SVOPL: variants seen among roughly 807,000 people sequenced by gnomAD.
SVOPL encodes SVOP like, also known as putative transporter SVOPL.
Under a neutral mutation model 61.0 loss-of-function variants are expected in SVOPL, and 60 were observed. That is an observed-to-expected ratio of 0.98 (90% CI 0.80 to 1.22). The LOEUF is 1.22. Among genes scored for constraint, SVOPL ranks in the 50% most tolerant of loss-of-function variants. The pLI is 0.00. For synonymous variants in SVOPL, 279 were observed against 250.0 expected (o/e 1.12, Z -1.09); for missense variants, 662 against 643.9 (o/e 1.03, Z -0.30).
rs751583124 is a variant in SVOPL at position 138,626,055 on chromosome 7, A to G, written c.1182-5T>C. ...AGGAAGCCAATCAGGCCGGCACTAG[A>G]AAACAGGAAGCGGAGAGAAATTATA... On this transcript the variant is annotated splice_polypyrimidine_tract_variant and splice_region_variant and intron_variant, in intron 12 of 15. Transcript: ENST00000674285. 6.2e-7 allele frequency: 1 copy of G among 1,614,042 alleles called. No individual in the cohort carries two copies. The highest frequency in any genetic ancestry group is 8.5e-7 in the Non-Finnish European group (1 of 1,179,996).
intron 14 of SVOPL, among the ~76,000 whole-genome samples, chr7:138,597,502 C>G (rs1217176482): frequency 6.6e-6 from 1 of 152,148 alleles, no homozygotes; most frequent in African/African-American, 2.4e-5. Flanking sequence ...AATAATTCCA[C>G]TCACCGTGCA....
chr7:138,606,381 A>G (rs1051394258), intron 14 of SVOPL, among the ~76,000 whole-genome samples: 1 of 152,098 alleles, frequency 6.6e-6, no homozygotes, highest in African/African-American at 2.4e-5. Context: ...AGTTGAATAC[A>G]AAAGCTTTTA....
intron 7 of SVOPL, among the ~76,000 whole-genome samples, chr7:138,654,884 T>TA: frequency 1.0e-5 from 1 of 100,360 alleles, no homozygotes; most frequent in Non-Finnish European, 2.1e-5. Context: ...TTTTTTTTTT[T>TA]TAAAAAAAAA....
chr7:138,689,324 G>T, intron 1 of SVOPL: 1 of 1,591,926 alleles, frequency 6.3e-7, no homozygotes, highest in African/African-American at 1.3e-5. Flanking sequence ...TGGTCATTGA[G>T]CATATCCAAG....
chr7:138,649,072 C>T lies in SVOPL; in HGVS notation c.600G>A (p.Gly200=). Residue 200 remains glycine, a synonymous_variant, in exon 8 of 16, where the codon GGG becomes GGA. Coordinates refer to ENST00000674285, the MANE Select transcript of SVOPL (RefSeq NM_001139456.2). ...AGGCGACGCGAATGAGCCAGCGCCA[C>T]CCGATGGTGGGGATGATCACAGAGG... ...GLASVIIPTI[G]WRWLIRVASI... The T allele has an allele frequency of 6.2e-7, 1 of 1,613,820 alleles. No individual in the cohort carries two copies. Among genetic ancestry groups the T allele is most frequent in the Non-Finnish European group, 8.5e-7 (1 of 1,179,970 alleles).
intron 12 of SVOPL, among the ~76,000 whole-genome samples, chr7:138,626,453 C>A (rs1177042661): frequency 6.6e-6 from 1 of 152,116 alleles, no homozygotes; most frequent in Non-Finnish European, 1.5e-5. Context: ...GGTGCAGTGG[C>A]ACAATCATGG....
Position 138,660,786 on chromosome 7 carries a change from G to T in SVOPL, c.346-798C>A, listed in dbSNP as rs905084336. The T allele has an allele frequency of 3.1e-6, 3 of 981,184 alleles. No individual in the cohort carries two copies. In the African/African-American group the frequency reaches 5.3e-5, roughly 17 times the overall value. 60.8% of individuals were successfully genotyped at this position (981,184 alleles called of 1,614,324 possible). On this transcript the variant is annotated intron_variant, in intron 5 of 15. Transcript: ENST00000674285. Reference sequence around the variant, plus strand: ...TGGTCAGAAAAATTATACCAATAGGGTTTAATAATATTATATAATAATAAT... The same window carrying T: ...TGGTCAGAAAAATTATACCAATAGGTTTTAATAATATTATATAATAATAAT...
chr7:138,641,194 A>G (rs187782685), intron 9 of SVOPL, among the ~76,000 whole-genome samples: 5 of 150,042 alleles, frequency 3.3e-5, no homozygotes, highest in Non-Finnish European at 5.9e-5. Flanking sequence ...GTGAGACCCC[A>G]TCACAAAAAA....
chr7:138,685,880 T>A (rs7776711), intron 1 of SVOPL, among the ~76,000 whole-genome samples: 42,996 of 148,542 alleles, frequency 0.29, 6,745 homozygotes, highest in East Asian at 0.42. Flanking sequence ...AAAAAAAAAA[T>A]AAAATAAAAT....
intron 3 of SVOPL, among the ~76,000 whole-genome samples, chr7:138,677,018 C>T (rs893878482): frequency 1.3e-5 from 2 of 151,906 alleles, no homozygotes; most frequent in Admixed American, 1.3e-4. Flanking sequence ...ATTCTCCTGC[C>T]TCAGCCTCCC....
At chr7:138,659,320 C>A (rs979529864) in intron 6 of SVOPL, among the ~76,000 whole-genome samples, 1 of 151,944 alleles carries the variant, frequency 6.6e-6, no homozygotes, top group Non-Finnish European at 1.5e-5. Context: ...GGCGAAACCC[C>A]GTCTCTACTA....
At chr7:138,631,021 G>T (rs1477549452) in intron 9 of SVOPL, among the ~76,000 whole-genome samples, 1 of 151,430 alleles carries the variant, frequency 6.6e-6, no homozygotes, top group Non-Finnish European at 1.5e-5. Context: ...GTAAAGCTGG[G>T]AATGCTTCAG....
intron 1 of SVOPL, among the ~76,000 whole-genome samples, chr7:138,682,270 T>C (rs1481316465): frequency 4.6e-5 from 7 of 152,118 alleles, no homozygotes; most frequent in East Asian, 1.9e-4. Context: ...ATATGACTGA[T>C]AACACCTGAA....
chr7:138,679,195 G>GT, intron 1 of SVOPL, 116 bp from the exon 2 acceptor site: 1 of 676,084 alleles, frequency 1.5e-6, no homozygotes, highest in Non-Finnish European at 2.5e-6. Context: ...ATCGAATGAG[G>GT]TATGTATTTT....
chr7:138,687,902 A>G (rs1201639069), intron 1 of SVOPL, among the ~76,000 whole-genome samples: 1 of 151,914 alleles, frequency 6.6e-6, no homozygotes, highest in Non-Finnish European at 1.5e-5. Context: ...CCCAGGTTCA[A>G]GTGATTCTCC....
chr7:138,629,966 G>A (rs1420000408), intron 10 of SVOPL, 83 bp downstream of exon 10: 2 of 1,085,860 alleles, frequency 1.8e-6, no homozygotes, highest in Non-Finnish European at 2.8e-6. Context: ...TTTCTCCCCA[G>A]TGGCACTCAC....
intron 9 of SVOPL, among the ~76,000 whole-genome samples, chr7:138,632,508 G>T (rs537646427): frequency 1.4e-4 from 21 of 152,224 alleles, no homozygotes; most frequent in African/African-American, 5.1e-4. Context: ...CAAGCTGAAG[G>T]CTTGAGAAGG....
rs908065853 is a variant in SVOPL, at chr7:138,625,817, A to G, written c.1263+152T>C. The G allele has an allele frequency of 1.6e-5, 11 of 693,736 alleles. No individual in the cohort carries two copies. The East Asian group carries it at 1.7e-4, about 11-fold the overall frequency. 43.0% of individuals were successfully genotyped at this position (693,736 alleles called of 1,614,324 possible). ...AGACTGAGTGGGGAAGGGGAAATTC[A>G]TATCAAATAAACTTCTGGTGTCTTT... On this transcript the variant is annotated intron_variant, in intron 13 of 15. Transcript: ENST00000674285.
chr7:138,646,589 G>C (rs1042560959), intron 8 of SVOPL: 3 of 152,578 alleles, frequency 2.0e-5, no homozygotes, highest in Non-Finnish European at 2.9e-5. Flanking sequence ...CGCAATCATA[G>C]CTGACTGCAG....
Sources: allele counts gnomAD v4.1 joint callset (sites outside exome capture counted in the v4.1 genomes callset), GRCh38; gene constraint gnomAD v4.1.1; transcripts MANE v1.5; gene names NCBI Gene and HGNC (gene_info 2026-07-23, HGNC 2026-07-21).